Variants in FSHR observed in about 807,000 individuals in gnomAD.
FSHR encodes the protein follicle stimulating hormone receptor, also known as follicle-stimulating hormone receptor.
Under a neutral mutation model 52.1 loss-of-function variants are expected in FSHR, and 46 were observed. The ratio of observed to expected loss-of-function variants is 0.88; its 90% CI spans 0.70 to 1.13. The LOEUF is 1.13. Among genes scored for constraint, FSHR ranks in the 50% most tolerant of loss-of-function variants. The pLI, the probability that FSHR is intolerant of heterozygous loss-of-function variation, is 0.00. For missense variants in FSHR, 964 were observed against 834.6 expected (o/e 1.16, Z -1.91); for synonymous variants, 399 against 309.6 (o/e 1.29, Z -3.03).
chr2:48,989,218 G>A lies in FSHR; in HGVS notation c.447-164C>T, dbSNP rs574715652. The stretch of plus-strand genomic sequence containing the variant: ...CAGCTCAAAGTTTGGAGAAAAAATT[G>A]TCTCTAATTTATCTTTAGTATGTTC... On this transcript the variant is annotated intron_variant, in intron 5 of 9. Transcript: ENST00000406846. Among the ~76,000 whole-genome samples the A allele has an allele frequency of 3.4e-5, 5 of 148,892 alleles. No individual in the cohort carries two copies. The South Asian group carries it at 8.6e-4, about 26-fold the overall frequency.
At chr2:49,070,420 C>T (rs185072998) in intron 1 of FSHR, among the ~76,000 whole-genome samples, 6 of 152,072 alleles carry the variant, frequency 3.9e-5, no homozygotes, top group African/African-American at 9.7e-5. Context: ...ACTCACTTAA[C>T]CTTAGTTAAT....
chr2:49,082,189 C>G (rs1466906155), intron 1 of FSHR, among the ~76,000 whole-genome samples: 1 of 152,182 alleles, frequency 6.6e-6, no homozygotes, highest in Non-Finnish European at 1.5e-5. Context: ...AAGTGGGTCC[C>G]TGACCCCTGA....
intron 4 of FSHR, among the ~76,000 whole-genome samples, chr2:48,994,439 A>G (rs887823122): frequency 6.6e-6 from 1 of 152,154 alleles, no homozygotes; most frequent in South Asian, 2.1e-4. Flanking sequence ...CACTGCAAAA[A>G]ATGGCTAAAA....
intron 2 of FSHR, among the ~76,000 whole-genome samples, chr2:49,062,291 G>A (rs1307335727): frequency 3.3e-5 from 5 of 152,084 alleles, no homozygotes. Context: ...TTTCAACAAA[G>A]ACATTGAGAA....
At chr2:49,137,952 T>G (rs1010713169) in intron 1 of FSHR, among the ~76,000 whole-genome samples, 2 of 152,140 alleles carry the variant, frequency 1.3e-5, no homozygotes, top group Non-Finnish European at 2.9e-5. Context: ...ATACTTTGAA[T>G]GTTATCAAAA....
intron 1 of FSHR, among the ~76,000 whole-genome samples, chr2:49,143,812 C>A (rs947560187): frequency 6.6e-6 from 1 of 152,080 alleles, no homozygotes; most frequent in African/African-American, 2.4e-5. Flanking sequence ...TTGGTTGACT[C>A]TAGAAAATGG....
intron 1 of FSHR, among the ~76,000 whole-genome samples, chr2:49,105,631 G>T (rs1671194047): frequency 6.6e-6 from 1 of 152,086 alleles, no homozygotes; most frequent in South Asian, 2.1e-4. Flanking sequence ...TGCCCTGTTG[G>T]CTCTCATTTC....
At chr2:49,020,259 G>C in intron 2 of FSHR, 99 bp from the exon 3 acceptor site, 1 of 1,033,612 alleles carries the variant, frequency 9.7e-7, no homozygotes, top group Non-Finnish European at 1.5e-6. Flanking sequence ...GGATTCACAA[G>C]ACACACAAAA....
intron 2 of FSHR, among the ~76,000 whole-genome samples, chr2:49,039,146 A>G (rs994658858): frequency 3.9e-5 from 6 of 152,144 alleles, no homozygotes; most frequent in Non-Finnish European, 8.8e-5. Context: ...TTGTTGTAGC[A>G]AGTACAATTA....
At chr2:49,054,194 G>A (rs1356328998) in intron 2 of FSHR, among the ~76,000 whole-genome samples, 1 of 152,126 alleles carries the variant, frequency 6.6e-6, no homozygotes, top group African/African-American at 2.4e-5. Context: ...CTGTGCAACT[G>A]GGGGGATGAA....
At chr2:49,142,610 A>G (rs575415109) in intron 1 of FSHR, among the ~76,000 whole-genome samples, 1 of 152,342 alleles carries the variant, frequency 6.6e-6, no homozygotes, top group Non-Finnish European at 1.5e-5. Flanking sequence ...ATTTTATTCT[A>G]AATGAAGTTC....
chr2:49,023,399 G>T (rs1002757455), intron 2 of FSHR, among the ~76,000 whole-genome samples: 5 of 152,132 alleles, frequency 3.3e-5, no homozygotes, highest in Non-Finnish European at 1.5e-5. Flanking sequence ...AAATCTTCAG[G>T]CCTATGAATA....
intron 2 of FSHR, among the ~76,000 whole-genome samples, chr2:49,036,152 T>C (rs1043760731): frequency 6.6e-6 from 1 of 152,230 alleles, no homozygotes; most frequent in Non-Finnish European, 1.5e-5. Flanking sequence ...TCAACATCTG[T>C]AGCCATGATT....
At chr2:49,132,189 G>T (rs1672302183) in intron 1 of FSHR, among the ~76,000 whole-genome samples, 1 of 152,096 alleles carries the variant, frequency 6.6e-6, no homozygotes, top group Non-Finnish European at 1.5e-5. Flanking sequence ...CTTTGTTTAG[G>T]GTCTCAGTGA....
chr2:49,008,805 T>G (rs1206423453), intron 4 of FSHR, among the ~76,000 whole-genome samples: 4 of 146,842 alleles, frequency 2.7e-5, no homozygotes, highest in Non-Finnish European at 6.0e-5. Context: ...TCATGTGTTT[T>G]TTGGCTGCAT....
chr2:49,023,211 C>G (rs955777421), intron 2 of FSHR, among the ~76,000 whole-genome samples: 5 of 152,182 alleles, frequency 3.3e-5, no homozygotes, highest in African/African-American at 1.2e-4. Flanking sequence ...CTCACAAGAT[C>G]TTTTTCATTT....
intron 1 of FSHR, among the ~76,000 whole-genome samples, chr2:49,068,686 C>T (rs1213173150): frequency 6.6e-6 from 1 of 152,078 alleles, no homozygotes; most frequent in East Asian, 1.9e-4. Context: ...ACCTTGCCTT[C>T]TATTCCAAGA....
intron 2 of FSHR, among the ~76,000 whole-genome samples, chr2:49,033,009 T>A (rs1668152179): frequency 6.6e-6 from 1 of 152,252 alleles, no homozygotes; most frequent in African/African-American, 2.4e-5. Context: ...AATACATTAG[T>A]TTCACAATTT....
intron 2 of FSHR, 116 bp from the exon 3 acceptor site, chr2:49,020,276 T>C (rs1185930371): frequency 6.7e-4 from 590 of 881,120 alleles, no homozygotes; most frequent in Middle Eastern, 4.7e-4. Context: ...AAAACTCCTT[T>C]CCTGCCATTA....
Sources: allele counts gnomAD v4.1 joint callset (sites outside exome capture counted in the v4.1 genomes callset), GRCh38; gene constraint gnomAD v4.1.1; transcripts MANE v1.5; gene names NCBI Gene and HGNC (gene_info 2026-07-23, HGNC 2026-07-21).